Variants in PTPRD observed in about 807,000 individuals in gnomAD.
The protein encoded by PTPRD is receptor-type tyrosine-protein phosphatase delta.
PTPRD carries 34 observed loss-of-function variants against 214.5 expected under a neutral mutation model. That is an observed-to-expected ratio of 0.16 (90% CI 0.12 to 0.21). PTPRD has a LOEUF of 0.21. Among genes scored for constraint, PTPRD ranks in the 10% least tolerant of loss-of-function variants. PTPRD has a pLI of 1.00. For missense variants in PTPRD, 2,545 were observed against 2,398.7 expected (o/e 1.06, Z -1.27); for synonymous variants, 1,128 against 845.7 (o/e 1.33, Z -5.79).
intron 10 of PTPRD, among the ~76,000 whole-genome samples, chr9:9,058,580 G>T (rs1486823930): frequency 6.7e-6 from 1 of 148,876 alleles, no homozygotes; most frequent in Non-Finnish European, 1.5e-5. Flanking sequence ...CTCCCGAGTA[G>T]CTGGGACTAC....
intron 2 of PTPRD, among the ~76,000 whole-genome samples, chr9:10,466,769 G>A (rs1448192611): frequency 6.6e-6 from 1 of 151,836 alleles, no homozygotes; most frequent in East Asian, 1.9e-4. Flanking sequence ...GGTAAAGTAA[G>A]CTTCTCAAAT....
intron 3 of PTPRD, among the ~76,000 whole-genome samples, chr9:10,307,588 A>C (rs940895386): frequency 1.3e-5 from 2 of 152,056 alleles, no homozygotes; most frequent in Non-Finnish European, 2.9e-5. Context: ...GCTGCATCAT[A>C]TGGTAGTTCT....
At chr9:8,326,009 G>C (rs1833320642) in intron 44 of PTPRD, among the ~76,000 whole-genome samples, 1 of 152,128 alleles carries the variant, frequency 6.6e-6, no homozygotes, top group Admixed American at 6.6e-5. Context: ...ATGTTGTCAT[G>C]TGCAAACAGA....
rs1554689097 is a variant in PTPRD, at chr9:10,126,424, T to TACAC, written c.-544-92635_-544-92634insGTGT. ...ATTCCTTAAATAATACTGTTTTATA[T>TACAC]ATACACACACACACACACACACACA... On this transcript the variant is annotated intron_variant, in intron 3 of 45. Coordinates refer to ENST00000381196, the MANE Select transcript of PTPRD (RefSeq NM_002839.4). Among the ~76,000 whole-genome samples, 9 of 130,996 alleles carry TACAC rather than the reference T, an allele frequency of 6.9e-5. No homozygotes were observed. In the South Asian group the frequency reaches 8.7e-4, roughly 13 times the overall value. The allele number at this position is 130,996 out of a possible 152,430, so 85.9% of individuals were successfully genotyped here.
intron 11 of PTPRD, among the ~76,000 whole-genome samples, chr9:8,751,666 TA>T (rs1400853219): frequency 1.3e-5 from 2 of 152,210 alleles, no homozygotes; most frequent in Non-Finnish European, 2.9e-5. Flanking sequence ...AGTTATCTTT[TA>T]CATTTCATCC....
intron 2 of PTPRD, among the ~76,000 whole-genome samples, chr9:10,574,856 C>G (rs1262717256): frequency 1.3e-5 from 2 of 149,932 alleles, no homozygotes; most frequent in Non-Finnish European, 3.0e-5. Context: ...TTCTTCCCCC[C>G]ATTTAAAAAT....
chr9:9,441,361 A>T (rs779386391), intron 8 of PTPRD, among the ~76,000 whole-genome samples: 14 of 152,236 alleles, frequency 9.2e-5, no homozygotes, highest in Non-Finnish European at 1.8e-4. Flanking sequence ...TAGGAAGAAG[A>T]CAGGTAAAAA....
intron 10 of PTPRD, among the ~76,000 whole-genome samples, chr9:9,155,979 T>C (rs1446269523): frequency 1.3e-5 from 2 of 152,128 alleles, no homozygotes; most frequent in African/African-American, 4.8e-5. Flanking sequence ...TTAGACCTTG[T>C]AACTTGGTCA....
At chr9:8,732,798 T>C (rs1309478267) in intron 12 of PTPRD, among the ~76,000 whole-genome samples, 1 of 152,172 alleles carries the variant, frequency 6.6e-6, no homozygotes, top group Non-Finnish European at 1.5e-5. Context: ...ATGCAATTAA[T>C]AGAAAGGGGC....
At chr9:8,404,682 T>C (rs761714125) in intron 35 of PTPRD, 22 bp from the exon 36 acceptor site, 24 of 1,592,412 alleles carry the variant, frequency 1.5e-5, no homozygotes, top group Non-Finnish European at 2.1e-5. Flanking sequence ...AAACAACACA[T>C]ATACACAAAA....
chr9:8,845,977 T>C (rs969344038), intron 11 of PTPRD, among the ~76,000 whole-genome samples: 1 of 152,320 alleles, frequency 6.6e-6, no homozygotes, highest in Non-Finnish European at 1.5e-5. Context: ...ATAAGAACTA[T>C]AATCATGCCA....
intron 2 of PTPRD, among the ~76,000 whole-genome samples, chr9:10,487,273 A>G (rs1185611263): frequency 6.6e-6 from 1 of 152,036 alleles, no homozygotes; most frequent in Non-Finnish European, 1.5e-5. Flanking sequence ...TTGATTGAAG[A>G]GCTTAGTCCA....
intron 7 of PTPRD, among the ~76,000 whole-genome samples, chr9:9,582,271 T>A (rs1335304900): frequency 6.6e-6 from 1 of 152,088 alleles, no homozygotes; most frequent in Non-Finnish European, 1.5e-5. Flanking sequence ...GTAAGCAAAG[T>A]CTAAACAGTG....
intron 9 of PTPRD, among the ~76,000 whole-genome samples, chr9:9,327,958 A>G (rs915349807): frequency 3.3e-5 from 5 of 152,022 alleles, no homozygotes; most frequent in African/African-American, 7.2e-5. Context: ...AAAGTTTACA[A>G]ATTTGTTTTG....
chr9:9,406,308 A>G (rs1315860686), intron 8 of PTPRD, among the ~76,000 whole-genome samples: 2 of 152,084 alleles, frequency 1.3e-5, no homozygotes, highest in East Asian at 3.9e-4. Context: ...TTCACTCTCA[A>G]TTAGAAGGCT....
intron 2 of PTPRD, among the ~76,000 whole-genome samples, chr9:10,377,179 T>C (rs939426531): frequency 6.6e-6 from 1 of 152,016 alleles, no homozygotes; most frequent in Non-Finnish European, 1.5e-5. Context: ...GCCTGGCTTA[T>C]TTCACTTAGC....
At chr9:8,781,918 C>A (rs182603574) in intron 11 of PTPRD, among the ~76,000 whole-genome samples, 76 of 152,156 alleles carry the variant, frequency 5.0e-4, no homozygotes, top group African/African-American at 1.3e-3. Context: ...ATCCATAAGA[C>A]ATTCTAGTAA....
intron 4 of PTPRD, among the ~76,000 whole-genome samples, chr9:9,973,365 G>C (rs1022596561): frequency 6.6e-6 from 1 of 151,556 alleles, no homozygotes; most frequent in Non-Finnish European, 1.5e-5. Flanking sequence ...CCAGCTACTT[G>C]GAAGGCTGAA....
chr9:10,283,482 G>A (rs1237423375), intron 3 of PTPRD, among the ~76,000 whole-genome samples: 1 of 152,132 alleles, frequency 6.6e-6, no homozygotes, highest in African/African-American at 2.4e-5. Flanking sequence ...TTGTCTCTTT[G>A]TTATTGTTAT....
Sources: gnomAD v4.1 joint callset for allele counts (sites outside exome capture counted in the v4.1 genomes callset) on GRCh38, gnomAD v4.1.1 for gene constraint, MANE v1.5 for transcripts, NCBI Gene and HGNC (gene_info 2026-07-23, HGNC 2026-07-21) for gene names.